Variants in SASH1 observed in about 807,000 individuals in gnomAD.
The protein encoded by SASH1 is SAM and SH3 domain containing 1, also known as SAM and SH3 domain-containing protein 1.
SASH1 carries 44 observed loss-of-function variants against 125.2 expected under a neutral mutation model. That is an observed-to-expected ratio of 0.35 (90% CI 0.28 to 0.45). The LOEUF is 0.45. Among genes scored for constraint, SASH1 ranks in the 20% least tolerant of loss-of-function variants. SASH1 has a pLI of 1.00. For synonymous variants in SASH1, 639 were observed against 649.1 expected (o/e 0.98, Z 0.24); for missense variants, 1,426 against 1,614.5 (o/e 0.88, Z 2.00).
intron 12 of SASH1, among the ~76,000 whole-genome samples, chr6:148,528,828 T>A (rs570710848): frequency 6.6e-6 from 1 of 152,296 alleles, no homozygotes; most frequent in African/African-American, 2.4e-5. Flanking sequence ...TTCATTTCTA[T>A]TGTTATTACA....
intron 6 of SASH1, 26 bp from the exon 7 acceptor site, chr6:148,474,084 T>A (rs772039721): frequency 3.4e-6 from 5 of 1,465,502 alleles, no homozygotes; most frequent in Non-Finnish European, 4.8e-6. Flanking sequence ...TTTTCACTCC[T>A]GTTGTTCTTT....
chr6:148,512,715 T>G, intron 8 of SASH1: 1 of 985,442 alleles, frequency 1.0e-6, no homozygotes, highest in Non-Finnish European at 1.2e-6. Context: ...TTCCCATTCT[T>G]TATTACTAGG....
At chr6:148,473,883 A>G (rs904582708) in intron 6 of SASH1, among the ~76,000 whole-genome samples, 3 of 152,128 alleles carry the variant, frequency 2.0e-5, no homozygotes, top group Admixed American at 2.0e-4. Context: ...ATTTGTTTCT[A>G]TGGTGACACC....
chr6:148,231,770 C>T, the SASH1 span, among the ~76,000 whole-genome samples: 2 of 152,060 alleles, frequency 1.3e-5, no homozygotes, highest in Non-Finnish European at 2.9e-5. Flanking sequence ...CACATTTTCT[C>T]ACACACTGGC....
intron 7 of SASH1, among the ~76,000 whole-genome samples, chr6:148,481,998 G>T (rs1778642011): frequency 6.6e-6 from 1 of 152,022 alleles, no homozygotes; most frequent in African/African-American, 2.4e-5. Flanking sequence ...AATTTTAAGG[G>T]CTTACATAGC....
chr6:148,319,206 T>C (rs1385790272), intron 1 of SASH1, among the ~76,000 whole-genome samples: 4 of 151,600 alleles, frequency 2.6e-5, no homozygotes, highest in African/African-American at 7.3e-5. Context: ...CTAATTCTTT[T>C]GTATTTTTTA....
chr6:148,544,753 A>T lies in SASH1; in HGVS notation c.3283A>T (p.Thr1095Ser), dbSNP rs1782457859. The T allele has an allele frequency of 6.2e-7, 1 of 1,606,074 alleles. No individual in the cohort carries two copies. Among genetic ancestry groups the T allele is most frequent in the Non-Finnish European group, 8.5e-7 (1 of 1,176,250 alleles). Residue 1095 changes from threonine (T) to serine (S), a missense_variant, in exon 18 of 20, where the codon ACG becomes TCG. By Grantham distance (58) the Thr-to-Ser change is moderately conservative. Around this residue, in one of 3 missense-constraint regions of SASH1, gnomAD observed 634 missense variants for 694.4 expected, o/e 0.91. Coordinates refer to ENST00000367467, the MANE Select transcript of SASH1 (RefSeq NM_015278.5). The surrounding 1 kb of genome is among the most constrained non-coding windows in gnomAD (Gnocchi z 6.4). The part of the protein sequence containing the change: ...VSCARGVDLE[T>S]LTENKLHAEG... Reference sequence around the variant, plus strand: ...CTGTGCCCGGGGAGTGGATCTAGAAACGCTCACTGAAAACAAGCTGCACGC... The same window carrying T: ...CTGTGCCCGGGGAGTGGATCTAGAATCGCTCACTGAAAACAAGCTGCACGC...
chr6:148,318,325 TTATTAA>T (rs2114564389), intron 1 of SASH1, among the ~76,000 whole-genome samples: 1 of 152,352 alleles, frequency 6.6e-6, no homozygotes, highest in African/African-American at 2.4e-5. Context: ...TCAGTGTTCT[TTATTAA>T]CATTATGCTT....
At chr6:148,482,920 C>T (rs1214081588) in intron 7 of SASH1, among the ~76,000 whole-genome samples, 3 of 151,950 alleles carry the variant, frequency 2.0e-5, no homozygotes, top group Non-Finnish European at 2.9e-5. Flanking sequence ...AACTCCTGAC[C>T]TCAAGTGATC....
chr6:148,514,451 C>T lies in SASH1; in HGVS notation c.857C>T (p.Thr286Ile), dbSNP rs1259459953. The T allele has an allele frequency of 1.1e-6, 1 of 878,990 alleles. No individual in the cohort carries two copies. Among genetic ancestry groups the T allele is most frequent in the Non-Finnish European group, 1.5e-6 (1 of 656,894 alleles). The allele number at this position is 878,990 out of a possible 1,614,324, so 54.4% of individuals were successfully genotyped here. A position where few individuals can be genotyped will look rare whatever the true frequency, so the allele number is the denominator to read the frequency against. The change falls in exon 9 of 20, where the codon ACT becomes ATT. Residue 286 changes from threonine (T) to isoleucine (I), a missense_variant. Thr to Ile is a moderately conservative substitution (Grantham distance 89). This residue lies in a region of SASH1 where 567 missense variants were observed against 575.6 expected (regional missense o/e 0.99). Transcript: ENST00000367467. ...IRVEEMKKPS[T>I]EGGEEHVFEN... is the part of the protein sequence containing the mutation. ...GTGGAAGAAATGAAAAAACCCAGCA[C>T]TGAAGGTAAAAAAAAAAAAAAAAAA...
intron 17 of SASH1, among the ~76,000 whole-genome samples, chr6:148,542,141 G>A (rs1452377160): frequency 6.6e-6 from 1 of 152,196 alleles, no homozygotes; most frequent in Non-Finnish European, 1.5e-5. Context: ...TGTACCTGCT[G>A]AAGAACTAGA....
chr6:148,449,329 C>A (rs866348072), intron 4 of SASH1, among the ~76,000 whole-genome samples: 1 of 151,514 alleles, frequency 6.6e-6, no homozygotes, highest in African/African-American at 2.4e-5. Context: ...CTCAGCCCCC[C>A]GAAGTGCTAG....
At chr6:148,240,563 A>C in the SASH1 span, among the ~76,000 whole-genome samples, 1 of 152,044 alleles carries the variant, frequency 6.6e-6, no homozygotes, top group South Asian at 2.1e-4. Context: ...AGAAGATCAA[A>C]TTTTCAGAGT....
At chr6:148,537,333 T>G (rs1297872143) in intron 16 of SASH1, among the ~76,000 whole-genome samples, 3 of 152,194 alleles carry the variant, frequency 2.0e-5, no homozygotes, top group Non-Finnish European at 4.4e-5. Flanking sequence ...AGACTCTAAT[T>G]GTCAGATGGC....
intron 2 of SASH1, among the ~76,000 whole-genome samples, chr6:148,436,845 C>T (rs1363373000): frequency 6.6e-6 from 1 of 152,230 alleles, no homozygotes; most frequent in Non-Finnish European, 1.5e-5. Context: ...TATGCCACTA[C>T]ATTTGGGATG....
At chr6:148,290,600 C>G (rs752555114) in intron 1 of SASH1, among the ~76,000 whole-genome samples, 1 of 151,774 alleles carries the variant, frequency 6.6e-6, no homozygotes, top group African/African-American at 2.4e-5. Flanking sequence ...AGTGAGATTC[C>G]GTCTCAAAAA....
At chr6:148,421,201 GAAAGAA>G (rs1216274184) in intron 2 of SASH1, among the ~76,000 whole-genome samples, 1 of 141,432 alleles carries the variant, frequency 7.1e-6, no homozygotes, top group African/African-American at 2.6e-5. Context: ...AAGAAAGAAA[GAAAGAA>G]AGAAAGAAAA....
chr6:148,253,691 T>C, the SASH1 span, among the ~76,000 whole-genome samples: 1 of 151,870 alleles, frequency 6.6e-6, no homozygotes, highest in South Asian at 2.1e-4. Context: ...GCCAACATGG[T>C]GAAACCCCAT....
chr6:148,197,387 A>G, the SASH1 span, among the ~76,000 whole-genome samples: 1 of 152,216 alleles, frequency 6.6e-6, no homozygotes, highest in East Asian at 1.9e-4. Context: ...TTTGCTCAGG[A>G]TAAGAGAGAA....
Sources: gnomAD v4.1 joint callset for allele counts (sites outside exome capture counted in the v4.1 genomes callset) on GRCh38, gnomAD v4.1.1 for gene constraint, gnomAD v4.1.1 regional missense constraint, Gnocchi (gnomAD v3.1) non-coding constraint, MANE v1.5 for transcripts, NCBI Gene and HGNC (gene_info 2026-07-23, HGNC 2026-07-21) for gene names.